Variants in GLDN observed in about 807,000 individuals in gnomAD.
GLDN encodes collomin.
A neutral mutation model predicts 56.5 loss-of-function variants in GLDN; 47 were observed. That is an observed-to-expected ratio of 0.83 (90% confidence interval 0.66 to 1.06). GLDN has a LOEUF of 1.06. Among genes scored for constraint, GLDN ranks in the 50% least tolerant of loss-of-function variants. The pLI is 0.00. For synonymous variants in GLDN, 332 were observed against 278.8 expected (o/e 1.19, Z -1.90); for missense variants, 782 against 714.3 (o/e 1.09, Z -1.08).
At chr15:51,408,217 C>T (rs1471182170), downstream of GLDN, among the ~76,000 whole-genome samples, 1 of 152,126 alleles carries the variant, frequency 6.6e-6, no homozygotes, top group Non-Finnish European at 1.5e-5. Flanking sequence ...AAATCTAGTA[C>T]TAGAACTGGG....
intron 1 of GLDN, among the ~76,000 whole-genome samples, chr15:51,352,500 T>C (rs553903958): frequency 2.6e-5 from 4 of 152,314 alleles, no homozygotes; most frequent in African/African-American, 9.6e-5. Context: ...GGTTTACTCT[T>C]TATTTCCATT....
chr15:51,388,675 A>G (rs1391151964), intron 4 of GLDN, among the ~76,000 whole-genome samples: 1 of 152,236 alleles, frequency 6.6e-6, no homozygotes, highest in Non-Finnish European at 1.5e-5. Flanking sequence ...TAAGTGGAGG[A>G]GGCAGGACTT....
chr15:51,378,070 T>C (rs1316430159), intron 2 of GLDN, among the ~76,000 whole-genome samples: 1 of 152,210 alleles, frequency 6.6e-6, no homozygotes, highest in Admixed American at 6.5e-5. Flanking sequence ...GTAGGAAGCC[T>C]AGCCTTTTTC....
intron 4 of GLDN, among the ~76,000 whole-genome samples, chr15:51,392,378 G>A (rs2038041984): frequency 6.6e-6 from 1 of 152,138 alleles, no homozygotes; most frequent in Admixed American, 6.5e-5. Flanking sequence ...GGAGTGCAAA[G>A]CCTATTGAGA....
At chr15:51,343,660 T>C (rs899791208) in intron 1 of GLDN, among the ~76,000 whole-genome samples, 1 of 152,214 alleles carries the variant, frequency 6.6e-6, no homozygotes, top group African/African-American at 2.4e-5. Flanking sequence ...TATTAGTAGA[T>C]TATCATCAAC....
At chr15:51,402,454 C>A (rs576398917) in intron 9 of GLDN, among the ~76,000 whole-genome samples, 8 of 152,372 alleles carry the variant, frequency 5.3e-5, no homozygotes, top group African/African-American at 1.9e-4. Flanking sequence ...GGCTCCAACT[C>A]TTGTGCCTCC....
intron 1 of GLDN, among the ~76,000 whole-genome samples, chr15:51,370,912 A>G (rs568249664): frequency 1.4e-4 from 21 of 152,286 alleles, no homozygotes; most frequent in African/African-American, 5.1e-4. Context: ...GAATTGCTTG[A>G]ATCTGCCTCA....
intron 1 of GLDN, among the ~76,000 whole-genome samples, chr15:51,363,039 CA>C (rs1320963387): frequency 2.0e-5 from 3 of 152,074 alleles, no homozygotes; most frequent in African/African-American, 4.8e-5. Flanking sequence ...ACTGAGATGG[CA>C]AAACTGCAGA....
chr15:51,412,925 A>G (rs759800048), downstream of GLDN, among the ~76,000 whole-genome samples: 1 of 152,210 alleles, frequency 6.6e-6, no homozygotes, highest in Non-Finnish European at 1.5e-5. Context: ...CCCCTTTAAG[A>G]AAAGGTTTGA....
At chr15:51,402,798 C>T (rs530524845) in intron 9 of GLDN, among the ~76,000 whole-genome samples, 3 of 152,300 alleles carry the variant, frequency 2.0e-5, no homozygotes, top group East Asian at 1.9e-4. Context: ...GCGTCAGCCG[C>T]GGCAGGAAGC....
In GLDN at chr15:51,404,539, A is replaced by G; in HGVS notation, c.1441A>G (p.Ile481Val). Residue 481 changes from isoleucine to valine, a missense_variant, in exon 10 of 10, where the codon ATC becomes GTC. Transcript: ENST00000335449. ...TGGCAACGCCTTCATTGCCCGAGGA[A>G]TCCTCTATGTCACAGACACCAAAGA... is the stretch of plus-strand genomic sequence containing the variant. The part of the protein sequence containing the change: ...KAGNAFIARG[I>V]LYVTDTKDMR... The G allele has an allele frequency of 6.2e-7, 1 of 1,614,172 alleles. No individual in the cohort carries two copies. Among genetic ancestry groups the G allele is most frequent in the Admixed American group, 1.7e-5 (1 of 60,028 alleles).
chr15:51,400,336 G>A (rs2038222330), intron 7 of GLDN, 37 bp from the exon 8 acceptor site: 2 of 1,613,928 alleles, frequency 1.2e-6, no homozygotes, highest in African/African-American at 2.7e-5. Flanking sequence ...AGTCATAATT[G>A]GCAGGCAAGT....
At chr15:51,402,298 C>T (rs1357776497) in intron 9 of GLDN, among the ~76,000 whole-genome samples, 4 of 152,196 alleles carry the variant, frequency 2.6e-5, no homozygotes, top group African/African-American at 7.2e-5. Flanking sequence ...CCAAGGCAGC[C>T]GCTGAGCCTT....
rs1313504040 is a variant in GLDN, at chr15:51,407,843, G to A, written c.*3089G>A. 6.6e-6 allele frequency: 1 copy of A among 152,194 alleles called. No homozygotes were observed. The highest frequency in any genetic ancestry group is 6.5e-5 in the Admixed American group (1 of 15,280). 9.4% of individuals were successfully genotyped at this position (152,194 alleles called of 1,614,324 possible). A position where few individuals can be genotyped will look rare whatever the true frequency, so the allele number is the denominator to read the frequency against. ...AAGTGAAGGAGAAATGAGTGATAGG[G>A]CTTTGCGTTTTCATCCAGATGCTGT... On this transcript the variant is annotated 3_prime_UTR_variant, in exon 10 of 10. Transcript: ENST00000335449.
At chr15:51,396,425 G>A (rs1464126370) in intron 5 of GLDN, among the ~76,000 whole-genome samples, 7 of 152,230 alleles carry the variant, frequency 4.6e-5, no homozygotes, top group Admixed American at 4.6e-4. Context: ...GTATTTGTGG[G>A]AGAAGAGGGT....
chr15:51,386,204 C>G (rs900974858), intron 4 of GLDN, among the ~76,000 whole-genome samples: 5 of 152,162 alleles, frequency 3.3e-5, no homozygotes, highest in Non-Finnish European at 7.3e-5. Flanking sequence ...ACCGCGAAGC[C>G]TCCACTCATA....
intron 4 of GLDN, chr15:51,384,105 A>G (rs1205773225): frequency 1.7e-6 from 1 of 593,426 alleles, no homozygotes; most frequent in Non-Finnish European, 3.0e-6. Context: ...AAACTGGAGA[A>G]GCCGTCTCCT....
At position 51,405,117 on chromosome 15, in the gene GLDN, G is replaced by T. The variant is rs1000344850; in HGVS notation, c.*363G>T. ...TTTATGTATCTGCTTCTGTCGTTTA[G>T]CTTTTTTAGCCACATGCTGACCAAA... On this transcript the variant is annotated 3_prime_UTR_variant, in exon 10 of 10. Transcript: ENST00000335449. The T allele has an allele frequency of 4.7e-6, 1 of 213,206 alleles. No homozygotes were observed. The highest frequency in any genetic ancestry group is 9.4e-6 in the Non-Finnish European group (1 of 106,186). 13.2% of individuals were successfully genotyped at this position (213,206 alleles called of 1,614,324 possible). A position where few individuals can be genotyped will look rare whatever the true frequency, so the allele number is the denominator to read the frequency against.
chr15:51,386,361 C>T (rs183898506), intron 4 of GLDN, among the ~76,000 whole-genome samples: 37 of 152,266 alleles, frequency 2.4e-4, no homozygotes, highest in Non-Finnish European at 3.4e-4. Context: ...GGCTGCAGAG[C>T]GAGAGCCACA....
Sources: allele counts gnomAD v4.1 joint callset (sites outside exome capture counted in the v4.1 genomes callset), GRCh38; gene constraint gnomAD v4.1.1; transcripts MANE v1.5; gene names NCBI Gene and HGNC (gene_info 2026-07-23, HGNC 2026-07-21).